Variants in PSMB2 observed in about 807,000 individuals in gnomAD.
The protein encoded by PSMB2 is proteasome subunit beta type-2.
A neutral mutation model predicts 25.7 loss-of-function variants in PSMB2; 13 were observed. The ratio of observed to expected loss-of-function variants is 0.51; its 90% CI spans 0.33 to 0.80. PSMB2 has a LOEUF of 0.80. PSMB2 is among the 30% of genes least tolerant of loss of function. The pLI, the probability that PSMB2 is intolerant of heterozygous loss-of-function variation, is 0.02. For missense variants in PSMB2, 202 were observed against 259.0 expected, an observed-to-expected ratio of 0.78 and a Z score of 1.51; for synonymous variants, 87 against 96.2, an observed-to-expected ratio of 0.90 and a Z score of 0.56.
chr1:35,600,085 G>A lies in PSMB2; in HGVS notation c.*3182C>T. 4.9e-6 allele frequency: 4 copies of A among 818,936 alleles called. No individual in the cohort carries two copies. Among genetic ancestry groups the A allele is most frequent in the Non-Finnish European group, 5.9e-6 (4 of 678,472 alleles). 50.7% of individuals were successfully genotyped at this position (818,936 alleles called of 1,614,324 possible). A position where few individuals can be genotyped will look rare whatever the true frequency, so the allele number is the denominator to read the frequency against. On this transcript the variant is annotated 3_prime_UTR_variant, in exon 6 of 6. Coordinates refer to ENST00000373237, the MANE Select transcript of PSMB2 (RefSeq NM_002794.5). ...CAGGAGTTCAAGTGAACTTACTGCA[G>A]TAAGCTACGATCGTGCCACTGTACT...
At chr1:35,618,424 TAC>T (rs1023837366) in intron 3 of PSMB2, among the ~76,000 whole-genome samples, 5 of 151,168 alleles carry the variant, frequency 3.3e-5, no homozygotes, top group Non-Finnish European at 5.9e-5. Context: ...TATGAACACA[TAC>T]AGTCTCACAC....
intron 1 of PSMB2, among the ~76,000 whole-genome samples, chr1:35,639,841 C>T (rs1651342263): frequency 6.6e-6 from 1 of 152,198 alleles, no homozygotes; most frequent in Non-Finnish European, 1.5e-5. Flanking sequence ...ACAAACAAAA[C>T]TTCTACAAAC....
intron 3 of PSMB2, among the ~76,000 whole-genome samples, chr1:35,618,864 T>C (rs931842929): frequency 6.6e-6 from 1 of 152,238 alleles, no homozygotes; most frequent in Non-Finnish European, 1.5e-5. Context: ...CACCTGACTT[T>C]CTTGTTCTTT....
chr1:35,635,479 T>C (rs1175912605), intron 2 of PSMB2, among the ~76,000 whole-genome samples: 1 of 152,020 alleles, frequency 6.6e-6, no homozygotes, highest in African/African-American at 2.4e-5. Context: ...GTAGAAAATC[T>C]TTTATGAAGG....
In PSMB2 at chr1:35,600,155, A is replaced by G; in HGVS notation, c.*3112T>C. On this transcript the variant is annotated 3_prime_UTR_variant, in exon 6 of 6. Transcript: ENST00000373237. ...AAGACCCTGTCTCTGAAAAACAACA[A>G]TAAAAAATTATAATAAAATTAAAAG... 1 of 977,940 alleles carries G rather than the reference A, an allele frequency of 1.0e-6. No individual in the cohort carries two copies. Among genetic ancestry groups the G allele is most frequent in the Non-Finnish European group, 1.2e-6 (1 of 823,148 alleles). The allele number at this position is 977,940 out of a possible 1,614,324, so 60.6% of individuals were successfully genotyped here. A position where few individuals can be genotyped will look rare whatever the true frequency, so the allele number is the denominator to read the frequency against.
chr1:35,637,152 A>T (rs1651264436), intron 1 of PSMB2, among the ~76,000 whole-genome samples: 1 of 152,230 alleles, frequency 6.6e-6, no homozygotes, highest in Admixed American at 6.5e-5. Flanking sequence ...CCACAACTAC[A>T]AATGTTAGTT....
intron 2 of PSMB2, among the ~76,000 whole-genome samples, chr1:35,631,951 G>A (rs1448770455): frequency 2.6e-5 from 4 of 152,074 alleles, no homozygotes; most frequent in African/African-American, 9.7e-5. Flanking sequence ...ATTGACCCCA[G>A]AAGTTCAAGT....
intron 3 of PSMB2, among the ~76,000 whole-genome samples, chr1:35,610,737 G>A (rs970018176): frequency 2.6e-5 from 4 of 152,050 alleles, no homozygotes; most frequent in African/African-American, 7.2e-5. Context: ...CTCGTGATCC[G>A]CCCGCCTCGG....
intron 3 of PSMB2, among the ~76,000 whole-genome samples, chr1:35,613,194 C>G (rs1650389794): frequency 6.6e-6 from 1 of 152,188 alleles, no homozygotes; most frequent in Non-Finnish European, 1.5e-5. Flanking sequence ...ATCAATACAT[C>G]TGTGCAACAA....
At chr1:35,622,836 GA>G (rs745402941) in intron 3 of PSMB2, among the ~76,000 whole-genome samples, 17 of 148,894 alleles carry the variant, frequency 1.1e-4, no homozygotes, top group Admixed American at 6.7e-4. Flanking sequence ...GAAAGAAAAA[GA>G]AAAAAAAATT....
chr1:35,635,650 GA>G (rs1651224652), intron 2 of PSMB2, among the ~76,000 whole-genome samples: 1 of 151,932 alleles, frequency 6.6e-6, no homozygotes, highest in African/African-American at 2.4e-5. Context: ...TCAACGTGGT[GA>G]AACCCTGTCT....
rs570102599 is a variant in PSMB2 at position 35,615,276 on chromosome 1, G to C, written c.286-5868C>G. Among the ~76,000 whole-genome samples the C allele has an allele frequency of 1.7e-4, 26 of 152,282 alleles. 1 individual carries two copies. In the East Asian group the frequency reaches 4.6e-3, roughly 27 times the overall value. ...GCACATCTCTTATGTACTTCTTTCC[G>C]AGACTGAAATAGACTTCTTAAAAAC... On this transcript the variant is annotated intron_variant, in intron 3 of 5. Transcript: ENST00000373237.
rs1354846405 is a variant in PSMB2 at position 35,603,163 on chromosome 1, T to C, written c.*104A>G. On this transcript the variant is annotated 3_prime_UTR_variant, in exon 6 of 6. Coordinates refer to ENST00000373237, the MANE Select transcript of PSMB2 (RefSeq NM_002794.5). Reference sequence around the variant, plus strand: ...TCAATTATATCCATAGTCACCTTTATTCTGAATTAACCATTTATCAAGAGT... The same window carrying C: ...TCAATTATATCCATAGTCACCTTTACTCTGAATTAACCATTTATCAAGAGT... The C allele has an allele frequency of 2.7e-6, 4 of 1,486,964 alleles. No homozygotes were observed. Among genetic ancestry groups the C allele is most frequent in the African/African-American group, 1.4e-5 (1 of 71,158 alleles). The allele number at this position is 1,486,964 out of a possible 1,614,324, so 92.1% of individuals were successfully genotyped here.
intron 3 of PSMB2, among the ~76,000 whole-genome samples, chr1:35,631,008 GGGGGAAAAAAAAA>G (rs1651076591): frequency 6.6e-6 from 1 of 150,804 alleles, no homozygotes; most frequent in African/African-American, 2.5e-5. Flanking sequence ...ATAGTTTTTA[GGGGGAAAAAAAAA>G]GGGTAAGTTG....
intron 4 of PSMB2, among the ~76,000 whole-genome samples, chr1:35,607,842 T>TTTTCC (rs1650212202): frequency 6.6e-6 from 1 of 152,188 alleles, no homozygotes; most frequent in African/African-American, 2.4e-5. Context: ...GTGGTATATA[T>TTTTCC]ACACCATGAA....
At chr1:35,620,737 A>G (rs12562105) in intron 3 of PSMB2, among the ~76,000 whole-genome samples, 2 of 151,248 alleles carry the variant, frequency 1.3e-5, no homozygotes, top group Non-Finnish European at 2.9e-5. Context: ...AAAAAAAAAC[A>G]AAAAAACCCC....
At chr1:35,612,783 T>G (rs1323284770) in intron 3 of PSMB2, among the ~76,000 whole-genome samples, 1 of 152,216 alleles carries the variant, frequency 6.6e-6, no homozygotes, top group Non-Finnish European at 1.5e-5. Context: ...CAAGACAATT[T>G]CATCAAGTTG....
intron 2 of PSMB2, among the ~76,000 whole-genome samples, chr1:35,634,110 C>T (rs748199525): frequency 6.7e-4 from 102 of 152,130 alleles, no homozygotes; most frequent in Non-Finnish European, 1.2e-3. Context: ...AGAGAGCTCA[C>T]AAAATACTTC....
Position 35,609,287 on chromosome 1 carries a change from G to A in PSMB2, c.407C>T (p.Ala136Val). The A allele has an allele frequency of 6.2e-7, 1 of 1,612,724 alleles. No individual in the cohort carries two copies. Among genetic ancestry groups the A allele is most frequent in the South Asian group, 1.1e-5 (1 of 90,812 alleles). ...GTCGAGGATACTGAGAGTCAGGAAG[G>A]CACCATAGCCGTGGGCTGCAAAAGG... ...KAPFAAHGYG[A>V]FLTLSILDRY... is the part of the protein sequence containing the mutation. The change falls in exon 4 of 6, where the codon GCC (alanine) becomes GTC (valine). Residue 136 changes from alanine to valine, a missense_variant. Transcript: ENST00000373237.
Sources: allele counts gnomAD v4.1 joint callset (sites outside exome capture counted in the v4.1 genomes callset), GRCh38; gene constraint gnomAD v4.1.1; transcripts MANE v1.5; gene names NCBI Gene and HGNC (gene_info 2026-07-23, HGNC 2026-07-21).